HSPG2: variants seen among roughly 807,000 people sequenced by gnomAD.
HSPG2 encodes heparan sulfate proteoglycan 2.
A neutral mutation model predicts 526.6 loss-of-function variants in HSPG2; 278 were observed. That is an observed-to-expected ratio of 0.53 (90% CI 0.48 to 0.58). HSPG2 has a LOEUF of 0.58. HSPG2 is among the 20% of genes least tolerant of loss of function. The pLI is 0.00. For synonymous variants in HSPG2, 2,465 were observed against 2,555.4 expected, an observed-to-expected ratio of 0.96 and a Z score of 1.07; for missense variants, 5,354 against 6,099.5, an observed-to-expected ratio of 0.88 and a Z score of 4.07.
At position 21,848,324 on chromosome 1, in the gene HSPG2, G is replaced by A. The variant is rs1638615232; in HGVS notation, c.7738-231C>T. On this transcript the variant is annotated intron_variant, in intron 59 of 96. Transcript: ENST00000374695. This position sits in a 1 kb window ranked among gnomAD's most constrained non-coding sequence, Gnocchi z 4.9. ...TAAGGCCCTCCGGAGTGTTGACACA[G>A]TATCCTGCTGGGGCTCCCACAGCCT... Among the ~76,000 whole-genome samples the A allele has an allele frequency of 6.6e-6, 1 of 152,162 alleles. No individual in the cohort carries two copies. The highest frequency in any genetic ancestry group is 2.1e-4 in the South Asian group (1 of 4,832).
chr1:21,922,215 C>G (rs569612718), intron 1 of HSPG2, among the ~76,000 whole-genome samples: 39 of 152,218 alleles, frequency 2.6e-4, no homozygotes, highest in Non-Finnish European at 1.0e-4. Context: ...TCCCACCTGA[C>G]AGAGGAGGCT....
chr1:21,928,512 C>T (rs1485466183), intron 1 of HSPG2, among the ~76,000 whole-genome samples: 5 of 152,264 alleles, frequency 3.3e-5, no homozygotes, highest in African/African-American at 1.2e-4. Flanking sequence ...ATGATCTCAG[C>T]TCACTGCAAC....
rs2098047917 is a variant in HSPG2, at chr1:21,841,381, C to T, written c.9329-96G>A. 9.0e-6 allele frequency: 14 copies of T among 1,561,392 alleles called. No homozygotes were observed. In the Admixed American group the frequency reaches 1.7e-4, roughly 19 times the overall value. ...CAGCTTAGTAACTGCTGGGTGGGCA[C>T]CTGTCTCCCCACTGCACTGAGGTGG... On this transcript the variant is annotated intron_variant, in intron 70 of 96. Coordinates refer to ENST00000374695, the MANE Select transcript of HSPG2 (RefSeq NM_005529.7).
At chr1:21,918,034 C>A (rs1643929920) in intron 1 of HSPG2, among the ~76,000 whole-genome samples, 1 of 152,010 alleles carries the variant, frequency 6.6e-6, no homozygotes. Flanking sequence ...CAAATACTTA[C>A]TATGTTGAAC....
chr1:21,830,249 A>G, intron 85 of HSPG2, 158 bp from the exon 86 acceptor site: 1 of 652,788 alleles, frequency 1.5e-6, no homozygotes, highest in Non-Finnish European at 2.7e-6. Context: ...GAGCAGAGCA[A>G]GGCGGGAGCC....
chr1:21,916,538 A>C (rs1374153335), intron 1 of HSPG2, among the ~76,000 whole-genome samples: 2 of 151,440 alleles, frequency 1.3e-5, no homozygotes, highest in African/African-American at 2.4e-5. Context: ...AAATAACACA[A>C]AAAAAATTGC....
intron 77 of HSPG2, among the ~76,000 whole-genome samples, chr1:21,834,238 G>A (rs1336437196): frequency 6.6e-6 from 1 of 152,232 alleles, no homozygotes; most frequent in African/African-American, 2.4e-5. Context: ...AGGAAGTTTG[G>A]AGGCAAGTCA....
At position 21,848,977 on chromosome 1, in the gene HSPG2, A is replaced by G; in HGVS notation, c.7501T>C (p.Tyr2501His). 2 of 1,613,686 alleles carry G rather than the reference A, an allele frequency of 1.2e-6. No homozygotes were observed. The highest frequency in any genetic ancestry group is 1.7e-6 in the Non-Finnish European group (2 of 1,179,974). Residue 2501 changes from tyrosine (Y) to histidine (H), a missense_variant, in exon 58 of 97, where the codon TAC becomes CAC. Transcript: ENST00000374695. The surrounding 1 kb of genome is among the most constrained non-coding windows in gnomAD (Gnocchi z 4.9). Reference sequence around the variant, plus strand: ...GAGCTGCCGACCACACGGCACACGTACTCCCCTGAATCAGCTGGGGTCACC... The same window carrying G: ...GAGCTGCCGACCACACGGCACACGTGCTCCCCTGAATCAGCTGGGGTCACC... ...LQVTPADSGE[Y>H]VCRVVGSSGT...
At chr1:21,835,758 C>T (rs1247975013) in intron 75 of HSPG2, 121 bp from the exon 76 acceptor site, 15 of 702,810 alleles carry the variant, frequency 2.1e-5, no homozygotes, top group East Asian at 8.9e-5. Context: ...CTGAGGCAGG[C>T]GCATCACTTG....
Position 21,848,788 on chromosome 1 carries a change from C to G in HSPG2, c.7592G>C (p.Gly2531Ala). The G allele has an allele frequency of 6.2e-7, 1 of 1,613,702 alleles. No homozygotes were observed. The highest frequency in any genetic ancestry group is 8.5e-7 in the Non-Finnish European group (1 of 1,179,990). The change falls in exon 59 of 97, where the codon GGT becomes GCT. Residue 2531 changes from glycine to alanine, a missense_variant. Gly to Ala is a moderately conservative substitution (Grantham distance 60). Transcript: ENST00000374695. This position sits in a 1 kb window ranked among gnomAD's most constrained non-coding sequence, Gnocchi z 4.9. The stretch of plus-strand genomic sequence containing the variant: ...CTCGATGCGGACGGGGTACGCCACA[C>G]CCTGGGCTGGGAGGGTGAGATGTAA... ...QQRLSGSHSQ[G>A]VAYPVRIESS...
chr1:21,887,139 C>A lies in HSPG2; in HGVS notation c.1078+76G>T. The A allele has an allele frequency of 6.5e-7, 1 of 1,543,562 alleles. No individual in the cohort carries two copies. The highest frequency in any genetic ancestry group is 8.9e-7 in the Non-Finnish European group (1 of 1,128,082). ...GCGGAGGGGCAGGGTAGGGGCGGGG[C>A]AGGAGTGGAAGGCGGGGCAGGAGCA... On this transcript the variant is annotated intron_variant, in intron 9 of 96. Coordinates refer to ENST00000374695, the MANE Select transcript of HSPG2 (RefSeq NM_005529.7). This position sits in a 1 kb window ranked among gnomAD's most constrained non-coding sequence, Gnocchi z 5.0.
rs529331802 is a variant in HSPG2, at chr1:21,888,449, C to A, written c.575-383G>T. ...GCCCACACCCTTCTTTCCTCTCCATCCTTTAAAAAATTTTTTTCTCTCTTC... is the reference window on the plus strand; with the variant it reads ...GCCCACACCCTTCTTTCCTCTCCATACTTTAAAAAATTTTTTTCTCTCTTC... On this transcript the variant is annotated intron_variant, in intron 6 of 96. Transcript: ENST00000374695. Among the ~76,000 whole-genome samples the A allele has an allele frequency of 2.6e-5, 4 of 152,318 alleles. No individual in the cohort carries two copies. In the South Asian group the frequency reaches 8.3e-4, roughly 32 times the overall value.
At chr1:21,844,415 C>A in intron 64 of HSPG2, 116 bp from the exon 65 acceptor site, 1 of 1,189,904 alleles carries the variant, frequency 8.4e-7, no homozygotes, top group Non-Finnish European at 1.2e-6. Flanking sequence ...TCTTTCCCTT[C>A]CCGTTCCATT....
At chr1:21,873,121 C>T in intron 30 of HSPG2, 30 bp from the exon 31 acceptor site, 1 of 1,552,734 alleles carries the variant, frequency 6.4e-7, no homozygotes. Context: ...TGGCTGGAGC[C>T]CCAAACCCGC....
intron 50 of HSPG2, chr1:21,853,609 G>A: frequency 5.8e-6 from 1 of 171,426 alleles, no homozygotes; most frequent in South Asian, 1.3e-4. Flanking sequence ...AGCCGGCCTG[G>A]TGGCGGGTGT....
rs776932601 is a variant in HSPG2 at position 21,833,540 on chromosome 1, G to A, written c.10905C>T (p.Asp3635=). The A allele has an allele frequency of 1.1e-4, 174 of 1,614,060 alleles. No homozygotes were observed. The highest frequency in any genetic ancestry group is 1.2e-4 in the Non-Finnish European group (146 of 1,180,034). The change falls in exon 79 of 97, where the codon GAC becomes GAT. Residue 3635 remains aspartate (D), a synonymous_variant. Transcript: ENST00000374695. ...MLMLPSVRPQ[D]AGTYVCTATN... Reference sequence around the variant, plus strand: ...TGGCGGTGCAGACGTAGGTACCTGCGTCCTGGGGTCGGACTGAGGGCAGCA... The same window carrying A: ...TGGCGGTGCAGACGTAGGTACCTGCATCCTGGGGTCGGACTGAGGGCAGCA...
Position 21,872,466 on chromosome 1 carries a change from TG to T in HSPG2, c.4030-90del. 1 of 1,413,388 alleles carries T rather than the reference TG, an allele frequency of 7.1e-7. No individual in the cohort carries two copies. Among genetic ancestry groups the T allele is most frequent in the African/African-American group, 1.4e-5 (1 of 70,418 alleles). The allele number at this position is 1,413,388 out of a possible 1,614,324, so 87.6% of individuals were successfully genotyped here. A position where few individuals can be genotyped will look rare whatever the true frequency, so the allele number is the denominator to read the frequency against. ...CACGGGAGGGTGTTAAGGTGCGGAA[TG>T]GGGTCCTGTTGAGATCAGGACTGCG... On this transcript the variant is annotated intron_variant, in intron 32 of 96. Transcript: ENST00000374695. The surrounding 1 kb of genome is among the most constrained non-coding windows in gnomAD (Gnocchi z 5.5).
chr1:21,828,157 G>A lies in HSPG2; in HGVS notation c.12410-5C>T. ...CCTCGTGCTCACACAGGTCTCCTGT[G>A]GGCCAGGGCAGAGGCGAGTGGGTGG... On this transcript the variant is annotated splice_polypyrimidine_tract_variant and splice_region_variant and intron_variant, in intron 89 of 96. Coordinates refer to ENST00000374695, the MANE Select transcript of HSPG2 (RefSeq NM_005529.7). The surrounding 1 kb of genome is among the most constrained non-coding windows in gnomAD (Gnocchi z 6.0). 6.2e-7 allele frequency: 1 copy of A among 1,612,976 alleles called. No individual in the cohort carries two copies. Among genetic ancestry groups the A allele is most frequent in the Non-Finnish European group, 8.5e-7 (1 of 1,179,916 alleles).
intron 91 of HSPG2, among the ~76,000 whole-genome samples, chr1:21,826,618 T>G (rs1029261968): frequency 6.6e-6 from 1 of 151,944 alleles, no homozygotes; most frequent in African/African-American, 2.4e-5. Context: ...CAAGCGATTC[T>G]CCTGCCTCAG....
Sources: gnomAD v4.1 joint callset for allele counts (sites outside exome capture counted in the v4.1 genomes callset) on GRCh38, gnomAD v4.1.1 for gene constraint, Gnocchi (gnomAD v3.1) non-coding constraint, MANE v1.5 for transcripts, NCBI Gene and HGNC (gene_info 2026-07-23, HGNC 2026-07-21) for gene names.